ADAMTS12: variants seen among roughly 807,000 people sequenced by gnomAD.
ADAMTS12 encodes A disintegrin and metalloproteinase with thrombospondin motifs 12.
ADAMTS12 carries 118 observed loss-of-function variants against 167.8 expected under a neutral mutation model. The observed-to-expected ratio is 0.70, with a 90% CI of 0.61 to 0.82. The LOEUF (loss-of-function observed/expected upper bound fraction) is 0.82, where lower values mean the gene tolerates loss of function less well. ADAMTS12 is among the 40% of genes least tolerant of loss of function. The probability of loss-of-function intolerance (pLI) is 0.00; values close to 1 mark genes in which losing one functional copy is unlikely to be tolerated. For synonymous variants in ADAMTS12, 704 were observed against 716.9 expected (o/e 0.98, Z 0.29); for missense variants, 1,916 against 1,998.8 (o/e 0.96, Z 0.79).
At chr5:33,651,975 C>CT (rs148382624) in intron 7 of ADAMTS12, among the ~76,000 whole-genome samples, 3,906 of 152,222 alleles carry the variant, frequency 0.026, 177 homozygotes, top group African/African-American at 0.09. Context: ...TGATTTCATT[C>CT]TTTTTTATGG....
At chr5:33,698,591 T>C (rs1742871108) in intron 3 of ADAMTS12, among the ~76,000 whole-genome samples, 1 of 144,584 alleles carries the variant, frequency 6.9e-6, no homozygotes, top group Non-Finnish European at 1.5e-5. Flanking sequence ...TTGCTTCTTC[T>C]AACAACTTAG....
intron 2 of ADAMTS12, among the ~76,000 whole-genome samples, chr5:33,864,470 C>T (rs1299266509): frequency 6.6e-6 from 1 of 152,168 alleles, no homozygotes; most frequent in Non-Finnish European, 1.5e-5. Flanking sequence ...CCATTTGACC[C>T]AACAATCTGA....
chr5:33,562,052 T>C (rs945232431), intron 19 of ADAMTS12, among the ~76,000 whole-genome samples: 2 of 152,204 alleles, frequency 1.3e-5, no homozygotes, highest in African/African-American at 2.4e-5. Context: ...CAGGAAAATA[T>C]TTGTTACAGT....
At chr5:33,659,336 C>T (rs1457169859) in intron 6 of ADAMTS12, among the ~76,000 whole-genome samples, 1 of 152,190 alleles carries the variant, frequency 6.6e-6, no homozygotes, top group African/African-American at 2.4e-5. Context: ...GGGTTCAGTA[C>T]TGGAGAGCGA....
intron 2 of ADAMTS12, among the ~76,000 whole-genome samples, chr5:33,773,169 C>CT (rs1428966814): frequency 2.6e-5 from 4 of 152,126 alleles, no homozygotes; most frequent in Non-Finnish European, 5.9e-5. Flanking sequence ...TGCTGCTTAT[C>CT]TTTTTTTGTT....
At chr5:33,848,590 C>T (rs1424927731) in intron 2 of ADAMTS12, among the ~76,000 whole-genome samples, 1 of 152,214 alleles carries the variant, frequency 6.6e-6, no homozygotes, top group Non-Finnish European at 1.5e-5. Flanking sequence ...AGTTGCAAAA[C>T]TGGACTTCAG....
chr5:33,683,844 T>C lies in ADAMTS12; in HGVS notation c.831+15A>G, dbSNP rs1043470778. ...TGTTCACTAGCTGCCCCAGCCCCCATGTAGTCTGGCATACCATGTTCATGA... is the reference window on the plus strand; with the variant it reads ...TGTTCACTAGCTGCCCCAGCCCCCACGTAGTCTGGCATACCATGTTCATGA... On this transcript the variant is annotated intron_variant, in intron 4 of 23. Transcript: ENST00000504830. The C allele has an allele frequency of 2.7e-6, 4 of 1,464,514 alleles. No individual in the cohort carries two copies. Among genetic ancestry groups the C allele is most frequent in the South Asian group, 3.1e-5 (2 of 63,646 alleles). The allele number at this position is 1,464,514 out of a possible 1,614,324, so 90.7% of individuals were successfully genotyped here. A position where few individuals can be genotyped will look rare whatever the true frequency, so the allele number is the denominator to read the frequency against.
chr5:33,758,378 G>T (rs1470557406), intron 2 of ADAMTS12, among the ~76,000 whole-genome samples: 1 of 152,098 alleles, frequency 6.6e-6, no homozygotes, highest in Non-Finnish European at 1.5e-5. Context: ...TAGGCTGCAA[G>T]AAGGGGCCAC....
chr5:33,671,126 C>CA (rs1741677716), intron 5 of ADAMTS12, among the ~76,000 whole-genome samples: 1 of 152,108 alleles, frequency 6.6e-6, no homozygotes, highest in African/African-American at 2.4e-5. Context: ...GATGTATTAT[C>CA]ACAGAGCAGA....
chr5:33,532,234 C>T (rs993365580), intron 23 of ADAMTS12, among the ~76,000 whole-genome samples: 1 of 152,112 alleles, frequency 6.6e-6, no homozygotes, highest in African/African-American at 2.4e-5. Context: ...AAAACAATTT[C>T]AATGTTGTTG....
chr5:33,691,543 G>A (rs372954471), intron 3 of ADAMTS12, among the ~76,000 whole-genome samples: 24 of 152,182 alleles, frequency 1.6e-4, no homozygotes, highest in African/African-American at 5.6e-4. Context: ...CCATCTTGCC[G>A]GAACAGAAAT....
At chr5:33,578,252 C>T (rs1277269494) in intron 18 of ADAMTS12, among the ~76,000 whole-genome samples, 4 of 152,182 alleles carry the variant, frequency 2.6e-5, no homozygotes, top group Non-Finnish European at 1.5e-5. Flanking sequence ...AAGGGCTGCG[C>T]AAACATTATT....
chr5:33,679,528 C>T (rs1272284883), intron 5 of ADAMTS12, among the ~76,000 whole-genome samples: 6 of 152,164 alleles, frequency 3.9e-5, no homozygotes, highest in Admixed American at 3.9e-4. Context: ...CTCACTGTCA[C>T]AAGAACAGCA....
At chr5:33,668,777 C>T (rs113495325) in intron 5 of ADAMTS12, among the ~76,000 whole-genome samples, 5,535 of 152,312 alleles carry the variant, frequency 0.036, 323 homozygotes, top group African/African-American at 0.13. Flanking sequence ...AGCCTCCACA[C>T]CCGGCCTCTG....
chr5:33,632,028 A>G (rs532862972), intron 12 of ADAMTS12, among the ~76,000 whole-genome samples: 4 of 152,302 alleles, frequency 2.6e-5, no homozygotes, highest in African/African-American at 9.6e-5. Context: ...TGAAAGTGCA[A>G]ATTTCACACA....
At chr5:33,859,986 A>C (rs1268115845) in intron 2 of ADAMTS12, among the ~76,000 whole-genome samples, 2 of 152,234 alleles carry the variant, frequency 1.3e-5, no homozygotes, top group Non-Finnish European at 2.9e-5. Context: ...AAGGTCATCC[A>C]AACAAAAACC....
chr5:33,534,095 C>T (rs925315851), intron 23 of ADAMTS12, among the ~76,000 whole-genome samples: 2 of 152,176 alleles, frequency 1.3e-5, no homozygotes, highest in African/African-American at 2.4e-5. Flanking sequence ...CCTACCCAAC[C>T]TATAGGAGCT....
At chr5:33,703,568 C>G (rs575670024) in intron 3 of ADAMTS12, among the ~76,000 whole-genome samples, 11 of 152,262 alleles carry the variant, frequency 7.2e-5, no homozygotes, top group African/African-American at 2.6e-4. Context: ...TTCCTCCCCC[C>G]AATCCTCTGG....
intron 5 of ADAMTS12, among the ~76,000 whole-genome samples, chr5:33,673,550 A>C (rs529936150): frequency 4.2e-4 from 64 of 152,032 alleles, no homozygotes; most frequent in African/African-American, 1.5e-3. Flanking sequence ...TACCTCCTCT[A>C]CATCTTTGCT....
Sources: allele counts gnomAD v4.1 joint callset (sites outside exome capture counted in the v4.1 genomes callset), GRCh38; gene constraint gnomAD v4.1.1; transcripts MANE v1.5; gene names NCBI Gene and HGNC (gene_info 2026-07-23, HGNC 2026-07-21).